The following SMYD3 variants were observed in gnomAD, a reference collection of about 807,000 sequenced individuals.
SMYD3 encodes the protein SET and MYND domain containing 3.
In SMYD3, 36 loss-of-function variants were observed where a neutral mutation model predicts 57.7. The ratio of observed to expected loss-of-function variants is 0.62; its 90% CI spans 0.48 to 0.82. The LOEUF is 0.82. Among genes scored for constraint, SMYD3 ranks in the 40% least tolerant of loss-of-function variants. The pLI is 0.00. For missense variants in SMYD3, 515 were observed against 538.8 expected (o/e 0.96, Z 0.44); for synonymous variants, 211 against 195.0 (o/e 1.08, Z -0.68).
At chr1:246,109,980 A>G (rs2061204664) in intron 5 of SMYD3, 1 of 152,210 alleles carries the variant, frequency 6.6e-6, no homozygotes, top group South Asian at 2.1e-4. Context: ...AGGAGCTGAA[A>G]TAAGCAGTGC....
In SMYD3 at chr1:246,187,597, C is replaced by G. The variant is rs577250110; in HGVS notation, c.531+139604G>C. 7.2e-5 allele frequency among the ~76,000 whole-genome samples: 11 copies of G among 152,306 alleles called. 1 individual carries two copies. Among genetic ancestry groups the G allele is most frequent in the African/African-American group, 2.6e-4 (11 of 41,574 alleles). ...GTGAAAAAACAAGCACATCTTAAAA[C>G]TACAAGCTTTGAAACTTTTAAATTT... On this transcript the variant is annotated intron_variant, in intron 5 of 11. Coordinates refer to ENST00000490107, the MANE Select transcript of SMYD3 (RefSeq NM_001167740.2).
At chr1:245,807,536 G>A (rs766538953) in intron 10 of SMYD3, among the ~76,000 whole-genome samples, 17 of 152,176 alleles carry the variant, frequency 1.1e-4, no homozygotes, top group Non-Finnish European at 1.6e-4. Flanking sequence ...CCTGGCAGCA[G>A]AGAGAGAATT....
chr1:246,288,555 C>A (rs1486862226), intron 5 of SMYD3, among the ~76,000 whole-genome samples: 1 of 152,020 alleles, frequency 6.6e-6, no homozygotes, highest in South Asian at 2.1e-4. Flanking sequence ...CTAGTCCAGG[C>A]ACAAGACTAG....
intron 10 of SMYD3, among the ~76,000 whole-genome samples, chr1:245,785,428 G>A (rs2046994033): frequency 6.6e-6 from 1 of 152,218 alleles, no homozygotes; most frequent in Admixed American, 6.5e-5. Flanking sequence ...CACATGGAAG[G>A]TTCTATTATA....
intron 5 of SMYD3, among the ~76,000 whole-genome samples, chr1:246,104,653 C>A (rs574185553): frequency 7.2e-5 from 11 of 152,110 alleles, no homozygotes; most frequent in African/African-American, 2.7e-4. Context: ...AAAAATAACA[C>A]AAGCCTTTCG....
rs1353035024 is a variant in SMYD3, at chr1:245,784,068, G to A, written c.1077-19919C>T. 3.3e-5 allele frequency among the ~76,000 whole-genome samples: 5 copies of A among 152,198 alleles called. No homozygotes were observed. In the South Asian group the frequency reaches 6.2e-4, roughly 19 times the overall value. ...AGCATGCAAAGGCAAAGGAACTAGA[G>A]CAGCTAGCACAATTTTGGAAAAGGA... On this transcript the variant is annotated intron_variant, in intron 10 of 11. Coordinates refer to ENST00000490107, the MANE Select transcript of SMYD3 (RefSeq NM_001167740.2).
intron 10 of SMYD3, among the ~76,000 whole-genome samples, chr1:245,777,313 T>A (rs2046644887): frequency 6.6e-6 from 1 of 152,156 alleles, no homozygotes; most frequent in African/African-American, 2.4e-5. Flanking sequence ...TTCTTGTCCA[T>A]AGAAAATGAG....
chr1:245,802,266 C>T (rs2047905849), intron 10 of SMYD3, among the ~76,000 whole-genome samples: 1 of 152,160 alleles, frequency 6.6e-6, no homozygotes, highest in African/African-American at 2.4e-5. Flanking sequence ...TCTAGAAGTT[C>T]TCAGTGGCCA....
At chr1:245,757,117 T>C (rs2045639142) in intron 11 of SMYD3, among the ~76,000 whole-genome samples, 1 of 152,086 alleles carries the variant, frequency 6.6e-6, no homozygotes, top group Admixed American at 6.6e-5. Context: ...TGAAACTGTG[T>C]ACCCATTAAA....
intron 7 of SMYD3, among the ~76,000 whole-genome samples, chr1:245,920,157 C>G (rs531842718): frequency 6.6e-6 from 1 of 151,878 alleles, no homozygotes; most frequent in Non-Finnish European, 1.5e-5. Context: ...ACTAAAAATA[C>G]AAAAAATTAG....
At chr1:246,361,898 C>T (rs1264794107) in intron 1 of SMYD3, among the ~76,000 whole-genome samples, 2 of 152,000 alleles carry the variant, frequency 1.3e-5, no homozygotes, top group Admixed American at 1.3e-4. Flanking sequence ...CACTAAAGAG[C>T]TTATTCATGC....
intron 10 of SMYD3, among the ~76,000 whole-genome samples, chr1:245,788,073 C>T (rs2047118383): frequency 6.6e-6 from 1 of 151,532 alleles, no homozygotes; most frequent in Non-Finnish European, 1.5e-5. Context: ...GGGAACAGCG[C>T]AAGGAGAATG....
At chr1:246,363,196 G>T (rs1405490083) in intron 1 of SMYD3, among the ~76,000 whole-genome samples, 4 of 150,328 alleles carry the variant, frequency 2.7e-5, no homozygotes, top group African/African-American at 4.9e-5. Flanking sequence ...CAGCCACCCC[G>T]TCTGGGAAGT....
At chr1:246,027,848 T>C (rs955790093) in intron 5 of SMYD3, among the ~76,000 whole-genome samples, 1 of 152,234 alleles carries the variant, frequency 6.6e-6, no homozygotes, top group Non-Finnish European at 1.5e-5. Context: ...ATATTGATTC[T>C]TCTGATGGAT....
At chr1:246,290,448 C>T (rs974579224) in intron 5 of SMYD3, among the ~76,000 whole-genome samples, 5 of 152,156 alleles carry the variant, frequency 3.3e-5, no homozygotes, top group Non-Finnish European at 7.3e-5. Context: ...GACTTCTCTA[C>T]AAAAAGTTTC....
intron 10 of SMYD3, 22 bp downstream of exon 10, chr1:245,858,474 C>A: frequency 6.2e-7 from 1 of 1,605,078 alleles, no homozygotes; most frequent in South Asian, 1.1e-5. Context: ...GCCCTTATGT[C>A]AGCCCTCTCC....
chr1:245,887,482 C>T (rs1373179578), intron 8 of SMYD3, among the ~76,000 whole-genome samples: 1 of 152,160 alleles, frequency 6.6e-6, no homozygotes, highest in Non-Finnish European at 1.5e-5. Context: ...TTTGGACTCG[C>T]CCTGAATTCT....
chr1:246,476,193 T>C (rs1030482260), intron 1 of SMYD3, among the ~76,000 whole-genome samples: 1 of 152,206 alleles, frequency 6.6e-6, no homozygotes, highest in Non-Finnish European at 1.5e-5. Flanking sequence ...AATGGAGTAC[T>C]TCCTACGAAC....
chr1:245,908,372 A>T (rs2054727724), intron 8 of SMYD3, among the ~76,000 whole-genome samples: 1 of 152,242 alleles, frequency 6.6e-6, no homozygotes, highest in Non-Finnish European at 1.5e-5. Flanking sequence ...ATTAGGGCTA[A>T]ATAGACAGAG....
Sources: gnomAD v4.1 joint callset for allele counts (sites outside exome capture counted in the v4.1 genomes callset) on GRCh38, gnomAD v4.1.1 for gene constraint, MANE v1.5 for transcripts, NCBI Gene and HGNC (gene_info 2026-07-23, HGNC 2026-07-21) for gene names.